Variants in MFSD6 observed in about 807,000 individuals in gnomAD.
MFSD6 encodes major facilitator superfamily domain containing 6.
Under a neutral mutation model 56.3 loss-of-function variants are expected in MFSD6, and 26 were observed. The observed-to-expected ratio is 0.46, with a 90% CI of 0.34 to 0.64. The LOEUF (loss-of-function observed/expected upper bound fraction) is 0.64. Ranked by LOEUF, MFSD6 falls within the 30% of genes least tolerant of loss-of-function variation. MFSD6 has a pLI of 0.01. For synonymous variants in MFSD6, 331 were observed against 366.9 expected, an observed-to-expected ratio of 0.90 and a Z score of 1.12; for missense variants, 750 against 986.2, an observed-to-expected ratio of 0.76 and a Z score of 3.21.
In MFSD6 at chr2:190,454,963, T is replaced by TATGTATATGTA. The variant is rs1686942893; in HGVS notation, c.1533-14794_1533-14784dup. Among the ~76,000 whole-genome samples the TATGTATATGTA allele has an allele frequency of 8.8e-6, 1 of 114,022 alleles. No individual in the cohort carries two copies. 74.8% of individuals were successfully genotyped at this position (114,022 alleles called of 152,430 possible). ...ATATGTATATGTATATGTATATGTA[T>TATGTATATGTA]ATGTATATGTATATGTATATGTATA... On this transcript the variant is annotated intron_variant, in intron 3 of 7. Transcript: ENST00000392328. The surrounding 1 kb of genome is among the most constrained non-coding windows in gnomAD (Gnocchi z 4.6).
intron 4 of MFSD6, among the ~76,000 whole-genome samples, chr2:190,484,023 G>A (rs1046939338): frequency 6.6e-6 from 1 of 152,076 alleles, no homozygotes; most frequent in Non-Finnish European, 1.5e-5. Flanking sequence ...AGGTAAGGAA[G>A]GACTGAGAAA....
chr2:190,473,785 C>T (rs561320248), intron 4 of MFSD6, among the ~76,000 whole-genome samples: 33 of 151,984 alleles, frequency 2.2e-4, no homozygotes, highest in Non-Finnish European at 4.0e-4. Context: ...CAGCACCACA[C>T]CTATTCCAAA....
intron 2 of MFSD6, among the ~76,000 whole-genome samples, chr2:190,430,223 T>TA (rs1206033893): frequency 6.6e-6 from 1 of 151,094 alleles, no homozygotes; most frequent in Admixed American, 6.6e-5. Flanking sequence ...TTTTTTTTTT[T>TA]AATTGATCAT....
At position 190,436,861 on chromosome 2, in the gene MFSD6, G is replaced by C. The variant is rs1559110767; in HGVS notation, c.832G>C (p.Val278Leu). ...KSLPSDQVMLVYDQQEVEAIF... is the reference protein window; with the variant it reads ...KSLPSDQVMLLYDQQEVEAIF... Reference sequence around the variant, plus strand: ...TTTACCTTCTGACCAAGTCATGCTTGTTTATGATCAACAAGAAGTTGAAGC... The same window carrying C: ...TTTACCTTCTGACCAAGTCATGCTTCTTTATGATCAACAAGAAGTTGAAGC... Residue 278 changes from valine (V) to leucine (L), a missense_variant, in exon 3 of 8, where the codon GTT becomes CTT. By Grantham distance (32) the Val-to-Leu change is conservative (BLOSUM62 1). Around this residue, in one of 5 missense-constraint regions of MFSD6, gnomAD observed 376 missense variants for 437.9 expected, o/e 0.86. Transcript: ENST00000392328. The surrounding 1 kb of genome is among the most constrained non-coding windows in gnomAD (Gnocchi z 5.3). 4 of 1,614,112 alleles carry C rather than the reference G, an allele frequency of 2.5e-6. No individual in the cohort carries two copies. Among genetic ancestry groups the C allele is most frequent in the African/African-American group, 1.3e-5 (1 of 74,928 alleles).
rs562325848 is a variant in MFSD6, at chr2:190,413,513, A to G, written c.-175-1779A>G. 1.3e-5 allele frequency among the ~76,000 whole-genome samples: 2 copies of G among 152,308 alleles called. No homozygotes were observed. Among genetic ancestry groups the G allele is most frequent in the African/African-American group, 2.4e-5 (1 of 41,572 alleles). On this transcript the variant is annotated intron_variant, in intron 1 of 7. Coordinates refer to ENST00000392328, the MANE Select transcript of MFSD6 (RefSeq NM_017694.4). This position sits in a 1 kb window ranked among gnomAD's most constrained non-coding sequence, Gnocchi z 4.1. ...TGACTCTGAGGAAATGTTTGGAAGCATTTTGATCTGAGACCAAGAGTGGGA... is the reference window on the plus strand; with the variant it reads ...TGACTCTGAGGAAATGTTTGGAAGCGTTTTGATCTGAGACCAAGAGTGGGA...
chr2:190,450,969 G>A (rs1020937239), intron 3 of MFSD6, among the ~76,000 whole-genome samples: 9 of 152,206 alleles, frequency 5.9e-5, no homozygotes, highest in African/African-American at 2.2e-4. Flanking sequence ...GTGTTGGCCA[G>A]TGGTCCTTGG....
rs1432674918 is a variant in MFSD6, at chr2:190,415,065, T to C, written c.-175-227T>C. Among the ~76,000 whole-genome samples the C allele has an allele frequency of 2.0e-5, 3 of 152,222 alleles. No individual in the cohort carries two copies. The highest frequency in any genetic ancestry group is 3.8e-4 in the East Asian group (2 of 5,202). ...ACCATAACTTATTTAACTGTCCTTA[T>C]TATTGATCACTTACTTTGTTTCAGT... On this transcript the variant is annotated intron_variant, in intron 1 of 7. Transcript: ENST00000392328. The surrounding 1 kb of genome is among the most constrained non-coding windows in gnomAD (Gnocchi z 4.5).
chr2:190,459,464 C>T lies in MFSD6; in HGVS notation c.1533-10294C>T, dbSNP rs1237482473. Among the ~76,000 whole-genome samples the T allele has an allele frequency of 3.9e-5, 6 of 152,046 alleles. No homozygotes were observed. On this transcript the variant is annotated intron_variant, in intron 3 of 7. Coordinates refer to ENST00000392328, the MANE Select transcript of MFSD6 (RefSeq NM_017694.4). This position sits in a 1 kb window ranked among gnomAD's most constrained non-coding sequence, Gnocchi z 5.3. ...AGCCATATCCTAGGAAATTTTTAAA[C>T]AAAATTGTAGGGGGTGTGTGTGTGA...
In MFSD6 at chr2:190,490,093, G is replaced by A. The variant is rs1689246450; in HGVS notation, c.1891+227G>A. 7.1e-6 allele frequency among the ~76,000 whole-genome samples: 1 copy of A among 141,056 alleles called. No individual in the cohort carries two copies. The highest frequency in any genetic ancestry group is 6.9e-5 in the Admixed American group (1 of 14,594). The allele number at this position is 141,056 out of a possible 152,430, so 92.5% of individuals were successfully genotyped here. On this transcript the variant is annotated intron_variant, in intron 6 of 7. Coordinates refer to ENST00000392328, the MANE Select transcript of MFSD6 (RefSeq NM_017694.4). This position sits in a 1 kb window ranked among gnomAD's most constrained non-coding sequence, Gnocchi z 4.5. ...CTTGGGGTTTTCTTGTTTTTTGTTT[G>A]TTTGTTTTCTTTTATAATACAAGGT...
chr2:190,437,402 G>T lies in MFSD6; in HGVS notation c.1373G>T (p.Gly458Val). The stretch of plus-strand genomic sequence containing the variant: ...GTGCTGTTTGTGGCTTGGTTCATGG[G>T]TTTTGGATATGGCTTCGTGTTCACC... Reference protein sequence around the residue: ...GSVLFVAWFMGFGYGFVFTFL... With the variant: ...GSVLFVAWFMVFGYGFVFTFL... The change falls in exon 3 of 8, where the codon GGT (glycine) becomes GTT (valine). Residue 458 changes from glycine to valine, a missense_variant. Gly to Val is a moderately radical substitution (Grantham distance 109, BLOSUM62 -3). Coordinates refer to ENST00000392328, the MANE Select transcript of MFSD6 (RefSeq NM_017694.4). The surrounding 1 kb of genome is among the most constrained non-coding windows in gnomAD (Gnocchi z 5.9). 6.2e-7 allele frequency: 1 copy of T among 1,614,226 alleles called. No homozygotes were observed. Among genetic ancestry groups the T allele is most frequent in the African/African-American group, 1.3e-5 (1 of 75,042 alleles).
chr2:190,414,065 A>G (rs886346481), intron 1 of MFSD6, among the ~76,000 whole-genome samples: 2 of 152,030 alleles, frequency 1.3e-5, no homozygotes, highest in Non-Finnish European at 2.9e-5. Context: ...ACAAAGTGAC[A>G]TGCATGCTGC....
At chr2:190,420,131 A>G (rs1318278397) in intron 2 of MFSD6, among the ~76,000 whole-genome samples, 1 of 152,210 alleles carries the variant, frequency 6.6e-6, no homozygotes, top group East Asian at 1.9e-4. Flanking sequence ...ATTCATGTTC[A>G]TTGCCCACTG....
At chr2:190,430,978 AC>A (rs1281095978) in intron 2 of MFSD6, among the ~76,000 whole-genome samples, 3 of 144,622 alleles carry the variant, frequency 2.1e-5, no homozygotes, top group Non-Finnish European at 4.5e-5. Flanking sequence ...GGGGCTCCTC[AC>A]TTCTCAGATG....
At chr2:190,474,869 T>C (rs1688192191) in intron 4 of MFSD6, among the ~76,000 whole-genome samples, 2 of 152,200 alleles carry the variant, frequency 1.3e-5, no homozygotes, top group Non-Finnish European at 2.9e-5. Flanking sequence ...TTATCCACCA[T>C]GATCAAGTGG....
At chr2:190,468,581 T>C (rs1687729978) in intron 3 of MFSD6, among the ~76,000 whole-genome samples, 1 of 151,278 alleles carries the variant, frequency 6.6e-6, no homozygotes, top group African/African-American at 2.4e-5. Context: ...GCCTCCCAAG[T>C]AGCTGGGACT....
chr2:190,480,638 C>T (rs1688608026), intron 4 of MFSD6, among the ~76,000 whole-genome samples: 1 of 152,162 alleles, frequency 6.6e-6, no homozygotes, highest in Admixed American at 6.5e-5. Flanking sequence ...AATCCGGAAA[C>T]CATAAAGTGC....
chr2:190,418,698 AGTGAGCT>A lies in MFSD6; in HGVS notation c.-54+3290_-54+3296del, dbSNP rs2124992334. 1.3e-5 allele frequency among the ~76,000 whole-genome samples: 2 copies of A among 152,332 alleles called. No homozygotes were observed. Among genetic ancestry groups the A allele is most frequent in the East Asian group, 3.9e-4 (2 of 5,178 alleles). ...CTTGAGCCCAGGAGGTCAAGGCTGC[AGTGAGCT>A]GTGATTGTGCCACTGCGCTCCAGCC... On this transcript the variant is annotated intron_variant, in intron 2 of 7. Transcript: ENST00000392328. The surrounding 1 kb of genome is among the most constrained non-coding windows in gnomAD (Gnocchi z 4.1).
rs921331336 is a variant in MFSD6 at position 190,413,730 on chromosome 2, G to A, written c.-175-1562G>A. 6.6e-6 allele frequency among the ~76,000 whole-genome samples: 1 copy of A among 152,206 alleles called. No individual in the cohort carries two copies. The highest frequency in any genetic ancestry group is 2.4e-5 in the African/African-American group (1 of 41,448). ...GTAGTTAGCAGTCTGTGTTGGTTAT[G>A]TAGAGAGACCTTGTTCCACAGGCAG... On this transcript the variant is annotated intron_variant, in intron 1 of 7. Coordinates refer to ENST00000392328, the MANE Select transcript of MFSD6 (RefSeq NM_017694.4). The surrounding 1 kb of genome is among the most constrained non-coding windows in gnomAD (Gnocchi z 4.1).
chr2:190,453,164 C>A (rs1382515463), intron 3 of MFSD6, among the ~76,000 whole-genome samples: 1 of 151,950 alleles, frequency 6.6e-6, no homozygotes, highest in Non-Finnish European at 1.5e-5. Flanking sequence ...TGAATAAAAG[C>A]CAGAGTTCTT....
Sources: gnomAD v4.1 joint callset for allele counts (sites outside exome capture counted in the v4.1 genomes callset) on GRCh38, gnomAD v4.1.1 for gene constraint, gnomAD v4.1.1 regional missense constraint, Gnocchi (gnomAD v3.1) non-coding constraint, MANE v1.5 for transcripts, NCBI Gene and HGNC (gene_info 2026-07-23, HGNC 2026-07-21) for gene names.